SLC30A8: variants seen among roughly 807,000 people sequenced by gnomAD.
SLC30A8 encodes solute carrier family 30 member 8.
Under a neutral mutation model 36.9 loss-of-function variants are expected in SLC30A8, and 27 were observed. The ratio of observed to expected loss-of-function variants is 0.73; its 90% CI spans 0.54 to 1.01. The LOEUF is 1.01. Ranked by LOEUF, SLC30A8 falls within the 50% of genes least tolerant of loss-of-function variation. The pLI is 0.00. For synonymous variants in SLC30A8, 164 were observed against 172.4 expected (o/e 0.95, Z 0.38); for missense variants, 439 against 452.0 (o/e 0.97, Z 0.26).
In SLC30A8 at chr8:117,172,678, C is replaced by G; in HGVS notation, c.1107C>G (p.Asp369Glu). 6.2e-7 allele frequency: 1 copy of G among 1,613,584 alleles called. No individual in the cohort carries two copies. The highest frequency in any genetic ancestry group is 1.1e-5 in the South Asian group (1 of 91,070). ...PDCLFCEDPC[D>E] ...GCCTTTTCTGTGAAGACCCCTGTGA[C>G]TAGCTCAGTCACACCGTCAGTTTCC... Residue 369 changes from aspartate (D) to glutamate (E), a missense_variant, in exon 8 of 8, where the codon GAC becomes GAG. Transcript: ENST00000456015.
chr8:117,140,550 C>T (rs1821606181), intron 1 of SLC30A8, among the ~76,000 whole-genome samples: 1 of 152,044 alleles, frequency 6.6e-6, no homozygotes, highest in Non-Finnish European at 1.5e-5. Flanking sequence ...ATCAGATTAA[C>T]AGCCAACTTC....
chr8:117,147,190 A>G (rs766668829), intron 2 of SLC30A8, 37 bp downstream of exon 2: 1 of 1,579,658 alleles, frequency 6.3e-7, no homozygotes, highest in East Asian at 2.2e-5. Flanking sequence ...TTAAACAACC[A>G]AACAAAACTC....
intron 1 of SLC30A8, among the ~76,000 whole-genome samples, chr8:117,019,055 A>G (rs542415355): frequency 4.6e-4 from 70 of 152,344 alleles, no homozygotes; most frequent in Middle Eastern, 3.4e-3. Context: ...TACCAAAAGT[A>G]GTCTTGGTTT....
intron 2 of SLC30A8, among the ~76,000 whole-genome samples, chr8:117,128,132 C>A (rs1820985133): frequency 6.6e-6 from 1 of 151,996 alleles, no homozygotes; most frequent in Non-Finnish European, 1.5e-5. Flanking sequence ...GGGCTCCTTG[C>A]TTTCTTCTTT....
At chr8:117,014,450 T>C (rs974187619) in intron 1 of SLC30A8, among the ~76,000 whole-genome samples, 2 of 152,196 alleles carry the variant, frequency 1.3e-5, no homozygotes, top group Non-Finnish European at 1.5e-5. Flanking sequence ...CTTGATTCTA[T>C]TCCTTCAATT....
intron 1 of SLC30A8, among the ~76,000 whole-genome samples, chr8:116,956,844 G>A (rs1814222746): frequency 6.6e-6 from 1 of 152,146 alleles, no homozygotes; most frequent in African/African-American, 2.4e-5. Flanking sequence ...GTATCTTTCT[G>A]TCAGAATTAC....
intron 2 of SLC30A8, among the ~76,000 whole-genome samples, chr8:117,064,814 G>C (rs1418331700): frequency 1.3e-5 from 2 of 152,196 alleles, no homozygotes; most frequent in African/African-American, 4.8e-5. Flanking sequence ...AGGAGGAAGA[G>C]GAGGGGAGAG....
At chr8:117,056,611 G>C (rs1266084765) in intron 2 of SLC30A8, among the ~76,000 whole-genome samples, 3 of 152,152 alleles carry the variant, frequency 2.0e-5, no homozygotes, top group Non-Finnish European at 4.4e-5. Flanking sequence ...TAGTTGAGAA[G>C]GGGGACCAGA....
At chr8:117,017,731 C>G (rs1435608484) in intron 1 of SLC30A8, among the ~76,000 whole-genome samples, 1 of 152,228 alleles carries the variant, frequency 6.6e-6, no homozygotes, top group African/African-American at 2.4e-5. Context: ...CTTTTATTGG[C>G]TGCCCAGGCC....
intron 2 of SLC30A8, among the ~76,000 whole-genome samples, chr8:117,118,969 C>A (rs370202564): frequency 6.6e-6 from 1 of 152,030 alleles, no homozygotes; most frequent in East Asian, 1.9e-4. Context: ...CTATGGGCCT[C>A]TGAGACAGGC....
chr8:117,016,263 T>C (rs1816515450), intron 1 of SLC30A8, among the ~76,000 whole-genome samples: 1 of 152,150 alleles, frequency 6.6e-6, no homozygotes, highest in Non-Finnish European at 1.5e-5. Flanking sequence ...GCTCAGTAAA[T>C]AGCCTTTGAA....
intron 2 of SLC30A8, among the ~76,000 whole-genome samples, chr8:117,119,556 T>C (rs775060359): frequency 8.3e-4 from 126 of 152,026 alleles, no homozygotes; most frequent in Non-Finnish European, 1.5e-3. Flanking sequence ...ACTCTTCTTT[T>C]GTGCCACAAC....
chr8:116,995,502 A>C (rs1219325360), intron 1 of SLC30A8, among the ~76,000 whole-genome samples: 2 of 152,010 alleles, frequency 1.3e-5, no homozygotes, highest in African/African-American at 4.8e-5. Flanking sequence ...CTTCCTACTT[A>C]CGGAATTTGT....
chr8:117,027,150 C>T (rs1443065405), intron 1 of SLC30A8, among the ~76,000 whole-genome samples: 3 of 152,028 alleles, frequency 2.0e-5, no homozygotes, highest in Non-Finnish European at 4.4e-5. Flanking sequence ...TCTGGCTGGG[C>T]CATCATCCAA....
At chr8:117,028,034 G>T (rs1816926320) in intron 1 of SLC30A8, among the ~76,000 whole-genome samples, 1 of 152,280 alleles carries the variant, frequency 6.6e-6, no homozygotes, top group Admixed American at 6.5e-5. Flanking sequence ...CTTTCCCAAG[G>T]ACTCTAACTT....
At chr8:117,018,529 C>A (rs1816594164) in intron 1 of SLC30A8, among the ~76,000 whole-genome samples, 1 of 152,130 alleles carries the variant, frequency 6.6e-6, no homozygotes, top group African/African-American at 2.4e-5. Context: ...AGCACCACTG[C>A]CTTGATAGCA....
At chr8:117,015,166 A>C (rs1024967210) in intron 1 of SLC30A8, among the ~76,000 whole-genome samples, 16 of 152,070 alleles carry the variant, frequency 1.1e-4, no homozygotes, top group African/African-American at 3.6e-4. Flanking sequence ...GGATCTTTCT[A>C]TCAACCATAA....
Position 117,155,846 on chromosome 8 carries a change from C to T in SLC30A8, c.419-1845C>T, listed in dbSNP as rs114385800. On this transcript the variant is annotated intron_variant, in intron 3 of 7. Transcript: ENST00000456015. ...GGTTTTCTGGGAAACTTTGTCATTC[C>T]TTAGCTCATAGAGCTCTGCTTTCAT... Among the ~76,000 whole-genome samples the T allele has an allele frequency of 3.2e-3, 490 of 152,204 alleles. 3 individuals carry two copies. Among genetic ancestry groups the T allele is most frequent in the African/African-American group, 0.011 (461 of 41,522 alleles).
chr8:117,060,735 G>T (rs1391420286), intron 2 of SLC30A8, among the ~76,000 whole-genome samples: 1 of 151,994 alleles, frequency 6.6e-6, no homozygotes, highest in Non-Finnish European at 1.5e-5. Context: ...ATGTTTTCTA[G>T]CTGCCAAAAA....
Sources: gnomAD v4.1 joint callset for allele counts (sites outside exome capture counted in the v4.1 genomes callset) on GRCh38, gnomAD v4.1.1 for gene constraint, MANE v1.5 for transcripts, NCBI Gene and HGNC (gene_info 2026-07-23, HGNC 2026-07-21) for gene names.